CFAP92: variants seen among roughly 807,000 people sequenced by gnomAD.
CFAP92 encodes the protein cilia and flagella associated protein 92 (putative).
In CFAP92, 86 loss-of-function variants were observed where a neutral mutation model predicts 106.3. The ratio of observed to expected loss-of-function variants is 0.81; its 90% confidence interval spans 0.68 to 0.97. The LOEUF (loss-of-function observed/expected upper bound fraction) is 0.97. Ranked by LOEUF, CFAP92 falls within the 50% of genes least tolerant of loss-of-function variation. CFAP92 has a pLI of 0.00. For missense variants in CFAP92, 1,204 were observed against 1,283.8 expected, an observed-to-expected ratio of 0.94 and a Z score of 0.95; for synonymous variants, 477 against 506.4, an observed-to-expected ratio of 0.94 and a Z score of 0.78.
intron 9 of CFAP92, among the ~76,000 whole-genome samples, chr3:128,963,209 C>T (rs1236332474): frequency 6.6e-6 from 1 of 152,168 alleles, no homozygotes; most frequent in Non-Finnish European, 1.5e-5. Context: ...CAATCCCTTA[C>T]AAAAGAACAA....
At chr3:129,018,140 C>T in the CFAP92 span, among the ~76,000 whole-genome samples, 1 of 152,168 alleles carries the variant, frequency 6.6e-6, no homozygotes, top group Non-Finnish European at 1.5e-5. Context: ...GATTAGTTAT[C>T]TTAGGAAATC....
chr3:128,935,370 C>A, intron 10 of CFAP92, 51 bp from the exon 11 acceptor site: 2 of 1,314,378 alleles, frequency 1.5e-6, no homozygotes, highest in Non-Finnish European at 1.0e-6. Flanking sequence ...CTTCCTGGGA[C>A]ACCGTGGTGA....
In CFAP92 at chr3:128,910,321, T is replaced by G. The variant is rs556077521; in HGVS notation, c.3293A>C (p.Lys1098Thr). 15 of 1,478,456 alleles carry G rather than the reference T, an allele frequency of 1.0e-5. No individual in the cohort carries two copies. The highest frequency in any genetic ancestry group is 1.2e-5 in the Non-Finnish European group (13 of 1,117,478). The allele number at this position is 1,478,456 out of a possible 1,614,324, so 91.6% of individuals were successfully genotyped here. A position where few individuals can be genotyped will look rare whatever the true frequency, so the allele number is the denominator to read the frequency against. Residue 1098 changes from lysine to threonine, a missense_variant, in exon 16 of 16, where the codon AAA (lysine) becomes ACA (threonine). Coordinates refer to ENST00000645291, the MANE Select transcript of CFAP92 (RefSeq NM_001394090.1). ...APKPVTVRKK[K>T]GNSPIS is the part of the protein sequence containing the mutation. ...TGCTCAGGAGATGGGGCTGTTCCCT[T>G]TCTTCTTCCTGACTGAGAGAAGAGG...
At chr3:128,952,135 T>C (rs1184505982) in intron 9 of CFAP92, among the ~76,000 whole-genome samples, 1 of 129,160 alleles carries the variant, frequency 7.7e-6, no homozygotes, top group Non-Finnish European at 1.8e-5. Context: ...TTCTTCTTCT[T>C]CTTTTTTTTT....
At chr3:128,964,900 C>T (rs541860408) in intron 9 of CFAP92, among the ~76,000 whole-genome samples, 65 of 152,224 alleles carry the variant, frequency 4.3e-4, no homozygotes, top group Non-Finnish European at 6.2e-4. Flanking sequence ...AAATTTTTGC[C>T]GCTCCAACAC....
chr3:128,975,791 G>A lies in CFAP92; in HGVS notation c.1009C>T (p.Gln337Ter), dbSNP rs1943115801. The change falls in exon 7 of 16, where the codon CAA (glutamine) becomes TAA (stop). Residue 337 changes from glutamine to a stop codon, truncating the protein, a stop_gained. Transcript: ENST00000645291. LOFTEE classifies it high-confidence loss of function. Reference protein sequence around the residue: ...LSSLTNILDRQRSQIKGKDSE... With the variant: ...LSSLTNILDR ...TATCCTAACTTACTTTGAGACCTTT[G>A]TCTGTCTAATATGTTTGTTAAGCTG... is the stretch of plus-strand genomic sequence containing the variant. The A allele has an allele frequency of 6.3e-7, 1 of 1,593,428 alleles. No individual in the cohort carries two copies. Among genetic ancestry groups the A allele is most frequent in the African/African-American group, 1.3e-5 (1 of 74,298 alleles).
chr3:128,961,194 C>A (rs1254207795), intron 9 of CFAP92, among the ~76,000 whole-genome samples: 1 of 152,184 alleles, frequency 6.6e-6, no homozygotes, highest in Admixed American at 6.5e-5. Flanking sequence ...CTAAATAATT[C>A]TTGTCGTAAA....
chr3:128,970,158 G>A (rs1942678253), intron 8 of CFAP92: 1 of 152,320 alleles, frequency 6.6e-6, no homozygotes, highest in South Asian at 2.1e-4. Flanking sequence ...GGGTGGCAGA[G>A]GCGGGAGGCT....
At position 128,993,143 on chromosome 3, in the gene CFAP92, G is replaced by A; in HGVS notation, c.162C>T (p.Ser54=). ...TGGCAGGCTCAGATGAGGACTCGAT[G>A]CTGCTGCACGGGCGGTCAGAGTCAG... ...QESDSDRPCS[S]IESSSEPAST... The change falls in exon 2 of 16, where the codon AGC becomes AGT. Residue 54 remains serine, a synonymous_variant. Coordinates refer to ENST00000645291, the MANE Select transcript of CFAP92 (RefSeq NM_001394090.1). 3.7e-6 allele frequency: 6 copies of A among 1,614,066 alleles called. No individual in the cohort carries two copies. Among genetic ancestry groups the A allele is most frequent in the Non-Finnish European group, 5.1e-6 (6 of 1,179,902 alleles).
At position 128,993,089 on chromosome 3, in the gene CFAP92, C is replaced by A. The variant is rs1225226087; in HGVS notation, c.216G>T (p.Val72=). 6.2e-7 allele frequency: 1 copy of A among 1,614,082 alleles called. No homozygotes were observed. The highest frequency in any genetic ancestry group is 8.5e-7 in the Non-Finnish European group (1 of 1,179,914). ...GTGAGATGGTGAATTTGCAGGGGAC[C>A]ACGTGGGGCACGTCGGAGCTGAAAG... ...ASTFSSDVPH[V]VPCKFTISLA... Residue 72 remains valine (V), a synonymous_variant, in exon 2 of 16, where the codon GTG becomes GTT. Transcript: ENST00000645291.
intron 9 of CFAP92, among the ~76,000 whole-genome samples, chr3:128,962,981 C>T (rs1041780656): frequency 7.9e-5 from 12 of 152,288 alleles, no homozygotes; most frequent in Non-Finnish European, 1.3e-4. Flanking sequence ...CCTTTGCACC[C>T]GTCATCCCAG....
intron 10 of CFAP92, among the ~76,000 whole-genome samples, chr3:128,940,494 T>C (rs906865685): frequency 2.0e-5 from 3 of 152,268 alleles, no homozygotes; most frequent in Non-Finnish European, 2.9e-5. Flanking sequence ...TTGTCATTAT[T>C]GGACTTTTGG....
intron 9 of CFAP92, among the ~76,000 whole-genome samples, chr3:128,963,445 T>C (rs550776041): frequency 7.2e-5 from 11 of 152,282 alleles, no homozygotes; most frequent in Admixed American, 2.0e-4. Flanking sequence ...TTCTTCCTCA[T>C]ACCTGACGCA....
At chr3:128,979,949 T>C (rs1360852700) in intron 4 of CFAP92, among the ~76,000 whole-genome samples, 1 of 46,098 alleles carries the variant, frequency 2.2e-5, no homozygotes, top group Non-Finnish European at 4.4e-5. Context: ...AGTATAATAA[T>C]ATATATATAT....
At position 128,910,153 on chromosome 3, in the gene CFAP92, AG is replaced by A. The variant is rs1201641446; in HGVS notation, c.*145del. ...GCTCCGCAACCACGACCACGAGGTG[AG>A]CCCAGCCCAGCCTCACACAGGGCCT... is the stretch of plus-strand genomic sequence containing the variant. On this transcript the variant is annotated 3_prime_UTR_variant, in exon 16 of 16. Transcript: ENST00000645291. The A allele has an allele frequency of 6.2e-7, 1 of 1,613,942 alleles. No homozygotes were observed. Among genetic ancestry groups the A allele is most frequent in the Admixed American group, 1.7e-5 (1 of 60,018 alleles).
chr3:128,964,533 C>A (rs1192314940), intron 9 of CFAP92, among the ~76,000 whole-genome samples: 147 of 146,130 alleles, frequency 1.0e-3, no homozygotes, highest in African/African-American at 1.7e-3. Flanking sequence ...TATCCCCAAA[C>A]TGCCACTCTA....
chr3:129,016,604 G>A, the CFAP92 span, among the ~76,000 whole-genome samples: 11 of 152,002 alleles, frequency 7.2e-5, no homozygotes, highest in Non-Finnish European at 1.3e-4. Flanking sequence ...CAGCCCCCGT[G>A]ATCACACAGG....
At chr3:128,946,178 A>G (rs1459621073) in intron 9 of CFAP92, among the ~76,000 whole-genome samples, 2 of 152,218 alleles carry the variant, frequency 1.3e-5, no homozygotes, top group South Asian at 2.1e-4. Context: ...ACGCACCAGG[A>G]TGGCGACTGG....
chr3:129,001,962 G>T (rs1278665166), intron 1 of CFAP92: 1 of 1,544,560 alleles, frequency 6.5e-7, no homozygotes, highest in Non-Finnish European at 8.7e-7. Context: ...GACCCCCGGG[G>T]ATGCGGCCGC....
Sources: allele counts gnomAD v4.1 joint callset (sites outside exome capture counted in the v4.1 genomes callset), GRCh38; gene constraint gnomAD v4.1.1; transcripts MANE v1.5; gene names NCBI Gene and HGNC (gene_info 2026-07-23, HGNC 2026-07-21).